RGS7BP: variants seen among roughly 807,000 people sequenced by gnomAD.
The protein encoded by RGS7BP is regulator of G protein signaling 7-binding protein.
In RGS7BP, 9 loss-of-function variants were observed where a neutral mutation model predicts 31.3. The ratio of observed to expected loss-of-function variants is 0.29; its 90% CI spans 0.17 to 0.50. The LOEUF is 0.50. RGS7BP is among the 20% of genes least tolerant of loss of function. RGS7BP has a pLI of 0.98. For missense variants in RGS7BP, 274 were observed against 322.0 expected (o/e 0.85, Z 1.14); for synonymous variants, 115 against 120.1 (o/e 0.96, Z 0.28).
chr5:64,557,343 T>C (rs1038308983), intron 2 of RGS7BP, among the ~76,000 whole-genome samples: 5 of 152,124 alleles, frequency 3.3e-5, no homozygotes, highest in Admixed American at 1.3e-4. Flanking sequence ...GTTTTCCTGG[T>C]ATTACTCTTT....
At chr5:64,510,059 G>A (rs1748791587) in intron 2 of RGS7BP, among the ~76,000 whole-genome samples, 1 of 152,162 alleles carries the variant, frequency 6.6e-6, no homozygotes, top group South Asian at 2.1e-4. Flanking sequence ...TGTGAAGGCT[G>A]GTAGGGAGGC....
At position 64,598,409 on chromosome 5, in the gene RGS7BP, C is replaced by G; in HGVS notation, c.656C>G (p.Thr219Ser). The change falls in exon 5 of 6, where the codon ACT (threonine) becomes AGT (serine). Residue 219 changes from threonine to serine, a missense_variant. This residue lies in a region of RGS7BP where 112 missense variants were observed against 130.9 expected (regional missense o/e 0.86). Coordinates refer to ENST00000334025, the MANE Select transcript of RGS7BP (RefSeq NM_001029875.3). Reference protein sequence around the residue: ...MKNLLSKLRETMPLPLKNQDD... With the variant: ...MKNLLSKLRESMPLPLKNQDD... The stretch of plus-strand genomic sequence containing the variant: ...AACCTTTTAAGCAAACTCAGGGAAA[C>G]TATGCCTTTACCATTGAAAAATCAA... 2 of 1,607,140 alleles carry G rather than the reference C, an allele frequency of 1.2e-6. No individual in the cohort carries two copies. Among genetic ancestry groups the G allele is most frequent in the Non-Finnish European group, 1.7e-6 (2 of 1,173,690 alleles).
chr5:64,556,607 G>A (rs549995612), intron 2 of RGS7BP, among the ~76,000 whole-genome samples: 31 of 152,044 alleles, frequency 2.0e-4, no homozygotes, highest in African/African-American at 4.8e-4. Flanking sequence ...CTTTAATGTC[G>A]CCATAATACT....
At chr5:64,540,259 T>C (rs1260975764) in intron 2 of RGS7BP, among the ~76,000 whole-genome samples, 1 of 152,164 alleles carries the variant, frequency 6.6e-6, no homozygotes, top group Non-Finnish European at 1.5e-5. Context: ...CTCAAGTATA[T>C]AATTTGTTGT....
chr5:64,566,804 G>A (rs1742180773), intron 2 of RGS7BP, among the ~76,000 whole-genome samples: 1 of 151,998 alleles, frequency 6.6e-6, no homozygotes, highest in African/African-American at 2.4e-5. Context: ...TGAGAACATG[G>A]TCACTGCCTT....
intron 2 of RGS7BP, among the ~76,000 whole-genome samples, chr5:64,566,443 C>T (rs1171460018): frequency 2.6e-5 from 4 of 151,874 alleles, no homozygotes; most frequent in Admixed American, 2.6e-4. Flanking sequence ...AAGACTGGCA[C>T]TAGGGAGACT....
In RGS7BP at chr5:64,605,145, C is replaced by T. The variant is rs1427555844; in HGVS notation, c.683-4016C>T. On this transcript the variant is annotated intron_variant, in intron 5 of 5. Transcript: ENST00000334025. ...TCCTGTGCTTTACTTACTCTGCTTC[C>T]CTTTCCACCTTTCATTTTCACATTT... Among the ~76,000 whole-genome samples the T allele has an allele frequency of 2.0e-5, 3 of 151,722 alleles. No individual in the cohort carries two copies. The East Asian group carries it at 5.8e-4, about 29-fold the overall frequency.
chr5:64,583,441 C>T (rs1354395412), intron 3 of RGS7BP, among the ~76,000 whole-genome samples: 1 of 151,784 alleles, frequency 6.6e-6, no homozygotes, highest in Non-Finnish European at 1.5e-5. Flanking sequence ...AATATATATT[C>T]TAAGGCAAAG....
intron 2 of RGS7BP, among the ~76,000 whole-genome samples, chr5:64,521,491 G>A (rs12234048): frequency 2.2e-3 from 338 of 152,042 alleles, no homozygotes; most frequent in African/African-American, 7.3e-3. Context: ...TCCTGACCTC[G>A]GGTGATCCAC....
In RGS7BP at chr5:64,594,822, C is replaced by G; in HGVS notation, c.576C>G (p.Ser192=). ...CCCCCGTAGATAGTCAGCAACATTC[C>G]TGGCAGGTTTCCACAGACATTGAGA... ...SSSPVDSQQH[S]WQVSTDIENT... is the part of the protein sequence containing the mutation. The change falls in exon 4 of 6, where the codon TCC becomes TCG. Residue 192 remains serine, a synonymous_variant. Transcript: ENST00000334025. The G allele has an allele frequency of 6.2e-7, 1 of 1,613,750 alleles. No homozygotes were observed. Among genetic ancestry groups the G allele is most frequent in the East Asian group, 2.2e-5 (1 of 44,848 alleles).
chr5:64,538,160 A>G (rs1162059853), intron 2 of RGS7BP, among the ~76,000 whole-genome samples: 5 of 152,212 alleles, frequency 3.3e-5, no homozygotes, highest in Admixed American at 6.5e-5. Flanking sequence ...GAATGCTTTT[A>G]TAAAACAATC....
intron 2 of RGS7BP, among the ~76,000 whole-genome samples, chr5:64,517,281 C>T (rs1049395288): frequency 4.6e-5 from 7 of 152,182 alleles, no homozygotes; most frequent in Non-Finnish European, 8.8e-5. Context: ...AGAACTGTAT[C>T]ATATGGTCAC....
chr5:64,605,954 ATATATAT>A (rs1743345636), intron 5 of RGS7BP, among the ~76,000 whole-genome samples: 1 of 96,152 alleles, frequency 1.0e-5, no homozygotes. Flanking sequence ...CTGGATACAT[ATATATAT>A]GCTATATATA....
chr5:64,550,248 CA>C (rs1462591566), intron 2 of RGS7BP, among the ~76,000 whole-genome samples: 1 of 152,194 alleles, frequency 6.6e-6, no homozygotes, highest in Non-Finnish European at 1.5e-5. Context: ...CTGATTTTCT[CA>C]CAGTTATGAA....
At position 64,575,776 on chromosome 5, in the gene RGS7BP, C is replaced by T. The variant is rs1265717700; in HGVS notation, c.335C>T (p.Pro112Leu). The T allele has an allele frequency of 3.7e-6, 6 of 1,606,090 alleles. No homozygotes were observed. Among genetic ancestry groups the T allele is most frequent in the East Asian group, 2.3e-5 (1 of 44,424 alleles). Residue 112 changes from proline (P) to leucine (L), a missense_variant and splice_region_variant, in exon 3 of 6, where the codon CCG (proline) becomes CTG (leucine). Coordinates refer to ENST00000334025, the MANE Select transcript of RGS7BP (RefSeq NM_001029875.3). ...TTTTCTCTTTCATTCTGTTGCAGCC[C>T]GGAAGATGGTGAGATCCATCCAGAA... is the stretch of plus-strand genomic sequence containing the variant. The part of the protein sequence containing the change: ...AHQKLAAISG[P>L]EDGEIHPEIC...
At chr5:64,607,212 G>A (rs1460001751) in intron 5 of RGS7BP, among the ~76,000 whole-genome samples, 2 of 152,106 alleles carry the variant, frequency 1.3e-5, no homozygotes, top group African/African-American at 4.8e-5. Flanking sequence ...AAGAGGACTG[G>A]AAAGCCAGAA....
intron 2 of RGS7BP, among the ~76,000 whole-genome samples, chr5:64,540,157 T>C (rs977461534): frequency 1.3e-5 from 2 of 152,152 alleles, no homozygotes; most frequent in African/African-American, 4.8e-5. Flanking sequence ...TATAGTTAAA[T>C]AATATGCATT....
intron 2 of RGS7BP, among the ~76,000 whole-genome samples, chr5:64,562,878 A>C (rs1164147225): frequency 6.6e-6 from 1 of 152,194 alleles, no homozygotes; most frequent in Non-Finnish European, 1.5e-5. Context: ...TGAGCCAGGC[A>C]GTAAGCTAGG....
chr5:64,600,570 G>T (rs898773723), intron 5 of RGS7BP, among the ~76,000 whole-genome samples: 13 of 152,108 alleles, frequency 8.5e-5, no homozygotes, highest in Admixed American at 2.6e-4. Context: ...AAAGGGAATA[G>T]TCATCAAAAT....
Sources: allele counts gnomAD v4.1 joint callset (sites outside exome capture counted in the v4.1 genomes callset), GRCh38; gene constraint gnomAD v4.1.1; regional missense constraint gnomAD v4.1.1; transcripts MANE v1.5; gene names NCBI Gene and HGNC (gene_info 2026-07-23, HGNC 2026-07-21).